The following ATP8B4 variants were observed in gnomAD, a reference collection of about 807,000 sequenced individuals.
ATP8B4 encodes the protein ATPase phospholipid transporting 8B4 (putative), also known as probable phospholipid-transporting ATPase IM.
A neutral mutation model predicts 145.6 loss-of-function variants in ATP8B4; 133 were observed. The observed-to-expected ratio is 0.91, with a 90% CI of 0.79 to 1.05. The LOEUF (loss-of-function observed/expected upper bound fraction) is 1.05. Ranked by LOEUF, ATP8B4 falls within the 50% of genes least tolerant of loss-of-function variation. ATP8B4 has a pLI of 0.00. For missense variants in ATP8B4, 1,458 were observed against 1,425.2 expected (o/e 1.02, Z -0.37); for synonymous variants, 507 against 492.9 (o/e 1.03, Z -0.38).
rs576326748 is a variant in ATP8B4 at position 50,061,297 on chromosome 15, A to G, written c.87+12830T>C. Among the ~76,000 whole-genome samples the G allele has an allele frequency of 3.3e-5, 5 of 152,318 alleles. No homozygotes were observed. In the East Asian group the frequency reaches 9.6e-4, roughly 29 times the overall value. ...CATCAAATTGGAAAATAAAGGAATC[A>G]TGGAGGAAATTCCACAGGAATGTGG... On this transcript the variant is annotated intron_variant, in intron 3 of 27. Coordinates refer to ENST00000284509, the MANE Select transcript of ATP8B4 (RefSeq NM_024837.4).
In ATP8B4 at chr15:49,908,205, A is replaced by G. The variant is rs919184664; in HGVS notation, c.2142-6966T>C. ...TAGCAACAGGCTTATTAAAATCTAG[A>G]TCTGTTTGCATCTATCTTCCTTCAG... is the stretch of plus-strand genomic sequence containing the variant. On this transcript the variant is annotated intron_variant, in intron 20 of 27. Transcript: ENST00000284509. 2.6e-5 allele frequency: 11 copies of G among 417,496 alleles called. No individual in the cohort carries two copies. In the Admixed American group the frequency reaches 2.9e-4, roughly 11 times the overall value. The allele number at this position is 417,496 out of a possible 1,614,324, so 25.9% of individuals were successfully genotyped here. A position where few individuals can be genotyped will look rare whatever the true frequency, so the allele number is the denominator to read the frequency against.
At chr15:49,993,192 GGAGA>G (rs2047169810) in intron 9 of ATP8B4, among the ~76,000 whole-genome samples, 1 of 151,984 alleles carries the variant, frequency 6.6e-6, no homozygotes, top group Admixed American at 6.6e-5. Flanking sequence ...AAACTAATAT[GGAGA>G]GAGTGATAAA....
chr15:49,886,252 T>G (rs2036173414), intron 23 of ATP8B4, among the ~76,000 whole-genome samples: 1 of 150,012 alleles, frequency 6.7e-6, no homozygotes, highest in South Asian at 2.1e-4. Context: ...TGAATTTGAG[T>G]AGGATACTCA....
At chr15:49,925,248 A>G (rs957111213) in intron 16 of ATP8B4, among the ~76,000 whole-genome samples, 10 of 140,374 alleles carry the variant, frequency 7.1e-5, no homozygotes, top group Non-Finnish European at 1.6e-5. Context: ...AAAAAACTAT[A>G]TTTTCCAAAA....
Position 49,876,532 on chromosome 15 carries a change from A to G in ATP8B4, c.2782-9T>C. 6.2e-7 allele frequency: 1 copy of G among 1,613,810 alleles called. No individual in the cohort carries two copies. The highest frequency in any genetic ancestry group is 1.7e-5 in the Admixed American group (1 of 60,004). ...TTCTGGTCACTCACATCCTGTAAAC[A>G]GAGTGTAATTTCAGTGGAGAAGGAT... On this transcript the variant is annotated splice_polypyrimidine_tract_variant and intron_variant, in intron 24 of 27. Transcript: ENST00000284509.
chr15:50,152,277 T>C (rs556118470), intron 1 of ATP8B4, among the ~76,000 whole-genome samples: 1 of 152,304 alleles, frequency 6.6e-6, no homozygotes, highest in East Asian at 1.9e-4. Context: ...AAACTTAGAA[T>C]ACCTGTGTTA....
intron 8 of ATP8B4, among the ~76,000 whole-genome samples, chr15:49,998,175 G>C (rs2047581499): frequency 6.6e-6 from 1 of 152,068 alleles, no homozygotes; most frequent in African/African-American, 2.4e-5. Flanking sequence ...CTTCAAATGT[G>C]AAAAAACAAA....
chr15:50,002,267 T>A (rs115490915), intron 7 of ATP8B4, 44 bp from the exon 8 acceptor site: 3 of 1,517,536 alleles, frequency 2.0e-6, no homozygotes, highest in Admixed American at 1.7e-5. Context: ...AGAAGTTAGA[T>A]TGGTTGAAAG....
intron 3 of ATP8B4, among the ~76,000 whole-genome samples, chr15:50,060,656 T>C (rs2052944169): frequency 6.6e-6 from 1 of 152,216 alleles, no homozygotes; most frequent in Non-Finnish European, 1.5e-5. Flanking sequence ...ACCACCTCTT[T>C]GCTTTTGCCA....
At chr15:49,901,283 A>C (rs2038002103) in intron 20 of ATP8B4, 44 bp from the exon 21 acceptor site, 14 of 1,573,872 alleles carry the variant, frequency 8.9e-6, no homozygotes, top group Non-Finnish European at 1.2e-5. Flanking sequence ...AAGCATACAG[A>C]GCATGCCTAC....
intron 7 of ATP8B4, among the ~76,000 whole-genome samples, chr15:50,005,102 T>C (rs527375286): frequency 7.2e-5 from 11 of 152,328 alleles, no homozygotes; most frequent in South Asian, 4.1e-4. Flanking sequence ...ACCTATCATA[T>C]GCCCCATATT....
chr15:49,888,525 T>A (rs954209474), intron 23 of ATP8B4, among the ~76,000 whole-genome samples: 3 of 152,218 alleles, frequency 2.0e-5, no homozygotes, highest in Admixed American at 6.5e-5. Context: ...AGTTGCATAA[T>A]TTTAAGCATG....
intron 23 of ATP8B4, among the ~76,000 whole-genome samples, chr15:49,882,126 G>T (rs180992797): frequency 6.6e-6 from 1 of 152,022 alleles, no homozygotes; most frequent in East Asian, 1.9e-4. Context: ...CTCTACCCTC[G>T]ATAGGCACTG....
At chr15:50,002,691 G>A (rs2047992156) in intron 7 of ATP8B4, among the ~76,000 whole-genome samples, 1 of 151,920 alleles carries the variant, frequency 6.6e-6, no homozygotes, top group Admixed American at 6.6e-5. Context: ...AAAAATAAGA[G>A]GGGCAAGGAA....
rs370599407 is a variant in ATP8B4, at chr15:49,881,944, C to T, written c.2698-2485G>A. The stretch of plus-strand genomic sequence containing the variant: ...AACTATCTCAAGGCCTAGGATAATG[C>T]GATCCTTCTCCAGACTCTATGTTTA... On this transcript the variant is annotated intron_variant, in intron 23 of 27. Coordinates refer to ENST00000284509, the MANE Select transcript of ATP8B4 (RefSeq NM_024837.4). 1.9e-4 allele frequency among the ~76,000 whole-genome samples: 29 copies of T among 152,292 alleles called. No individual in the cohort carries two copies. In the East Asian group the frequency reaches 5.0e-3, roughly 26 times the overall value.
chr15:49,921,008 A>T (rs1389252011), intron 17 of ATP8B4, among the ~76,000 whole-genome samples: 1 of 152,174 alleles, frequency 6.6e-6, no homozygotes, highest in African/African-American at 2.4e-5. Flanking sequence ...AAAGTAAATA[A>T]TAAATGAATA....
chr15:49,860,092 G>GCC lies in ATP8B4; in HGVS notation c.*100_*101dup. On this transcript the variant is annotated 3_prime_UTR_variant, in exon 28 of 28. Coordinates refer to ENST00000284509, the MANE Select transcript of ATP8B4 (RefSeq NM_024837.4). Reference sequence around the variant, plus strand: ...AGATTTAAGTTAAGTGAGGCAATCTGCCTGCCCCACCTCTTGCCTCAAATC... The same window carrying GCC: ...AGATTTAAGTTAAGTGAGGCAATCTGCCCCTGCCCCACCTCTTGCCTCAAATC... 1 of 1,396,348 alleles carries GCC rather than the reference G, an allele frequency of 7.2e-7. No homozygotes were observed. Among genetic ancestry groups the GCC allele is most frequent in the Non-Finnish European group, 9.7e-7 (1 of 1,030,880 alleles). The allele number at this position is 1,396,348 out of a possible 1,614,324, so 86.5% of individuals were successfully genotyped here.
chr15:50,073,881 C>A (rs2054007373), intron 3 of ATP8B4, among the ~76,000 whole-genome samples: 1 of 152,006 alleles, frequency 6.6e-6, no homozygotes, highest in South Asian at 2.1e-4. Flanking sequence ...AACATCAATT[C>A]TTGAGAAAGA....
At chr15:49,998,320 C>T (rs571497236) in intron 8 of ATP8B4, among the ~76,000 whole-genome samples, 1 of 152,318 alleles carries the variant, frequency 6.6e-6, no homozygotes, top group African/African-American at 2.4e-5. Context: ...GCCACACTGA[C>T]TTCCACAAGG....
Sources: gnomAD v4.1 joint callset for allele counts (sites outside exome capture counted in the v4.1 genomes callset) on GRCh38, gnomAD v4.1.1 for gene constraint, MANE v1.5 for transcripts, NCBI Gene and HGNC (gene_info 2026-07-23, HGNC 2026-07-21) for gene names.